Variants in FBRS observed in about 807,000 individuals in gnomAD.
FBRS encodes the protein fibrosin.
Under a neutral mutation model 86.1 loss-of-function variants are expected in FBRS, and 15 were observed. That is an observed-to-expected ratio of 0.17 (90% CI 0.12 to 0.27). FBRS has a LOEUF of 0.27. Ranked by LOEUF, FBRS falls within the 10% of genes least tolerant of loss-of-function variation. The probability of loss-of-function intolerance (pLI) is 1.00; values close to 1 mark genes in which losing one functional copy is unlikely to be tolerated. For synonymous variants in FBRS, 666 were observed against 575.8 expected, an observed-to-expected ratio of 1.16 and a Z score of -2.24; for missense variants, 1,367 against 1,301.6, an observed-to-expected ratio of 1.05 and a Z score of -0.77.
rs1180888138 is a variant in FBRS, at chr16:30,668,624, C to T, written c.2139C>T (p.Gly713=). The T allele has an allele frequency of 6.2e-7, 1 of 1,610,448 alleles. No homozygotes were observed. Among genetic ancestry groups the T allele is most frequent in the East Asian group, 2.2e-5 (1 of 44,750 alleles). ...CCCTCTCCAACGGGGCCTTTGGAGG[C>T]CTGGGCAGCCCCACATTCAGTGAGT... ...LAALSNGAFG[G]LGSPTFNSGA... is the part of the protein sequence containing the mutation. The change falls in exon 16 of 18, where the codon GGC becomes GGT. Residue 713 remains glycine (G), a synonymous_variant. Transcript: ENST00000356166.
rs751480613 is a variant in FBRS at position 30,667,001 on chromosome 16, C to T, written c.1875+11C>T. 97 of 1,601,768 alleles carry T rather than the reference C, an allele frequency of 6.1e-5. No individual in the cohort carries two copies. The Admixed American group carries it at 1.5e-3, about 25-fold the overall frequency. On this transcript the variant is annotated intron_variant, in intron 13 of 17. Transcript: ENST00000356166. ...CAGGAGAAAATGAAGGTACTGGGGC[C>T]GGAGGGCTGGGGAGAGTGGGTCTCA... is the stretch of plus-strand genomic sequence containing the variant.
intron 1 of FBRS, 31 bp downstream of exon 1, chr16:30,660,008 G>T: frequency 6.5e-7 from 1 of 1,542,262 alleles, no homozygotes; most frequent in Non-Finnish European, 8.7e-7. Context: ...GAGACTTTGG[G>T]GGTTTCCGAG....
chr16:30,667,877 C>G lies in FBRS; in HGVS notation c.2074+255C>G, dbSNP rs531456749. 5.1e-5 allele frequency: 21 copies of G among 415,000 alleles called. No individual in the cohort carries two copies. The East Asian group carries it at 7.6e-4, about 15-fold the overall frequency. The allele number at this position is 415,000 out of a possible 1,614,324, so 25.7% of individuals were successfully genotyped here. A position where few individuals can be genotyped will look rare whatever the true frequency, so the allele number is the denominator to read the frequency against. ...GCCAGTGGCAGGGGCAGTACGCCAC[C>G]TGGAAGGGGAAGGTGGGGAGGCCAT... is the stretch of plus-strand genomic sequence containing the variant. On this transcript the variant is annotated intron_variant, in intron 15 of 17. Coordinates refer to ENST00000356166, the MANE Select transcript of FBRS (RefSeq NM_001105079.3).
chr16:30,659,141 T>C lies in FBRS; in HGVS notation c.-378T>C, dbSNP rs1452810661. 6.6e-6 allele frequency: 1 copy of C among 152,422 alleles called. No homozygotes were observed. The highest frequency in any genetic ancestry group is 1.5e-5 in the Non-Finnish European group (1 of 68,246). 9.4% of individuals were successfully genotyped at this position (152,422 alleles called of 1,614,324 possible). On this transcript the variant is annotated 5_prime_UTR_variant, in exon 1 of 18. Coordinates refer to ENST00000356166, the MANE Select transcript of FBRS (RefSeq NM_001105079.3). ...CTTTTAAAGGGGTGGCCCTTCCTCT[T>C]CCTCGGGGAGACTTGCATCGACCCC...
chr16:30,662,134 A>T (rs920872249), intron 4 of FBRS: 5 of 403,268 alleles, frequency 1.2e-5, no homozygotes, highest in Non-Finnish European at 1.8e-5. Context: ...GCCAGCAGCT[A>T]GTGACCTCTG....
chr16:30,660,161 C>A, intron 1 of FBRS, 102 bp from the exon 2 acceptor site: 1 of 1,409,864 alleles, frequency 7.1e-7, no homozygotes, highest in Non-Finnish European at 9.3e-7. Context: ...TCTGGGGACC[C>A]GGTTTCCCGG....
rs901080920 is a variant in FBRS, at chr16:30,664,162, G to A, written c.1056-53G>A. ...TCACCCAGGCTTCTGACCCCCTCCC[G>A]TCAGAGCTGGCACCTCCCAACCCCT... On this transcript the variant is annotated intron_variant, in intron 6 of 17. Transcript: ENST00000356166. 72 of 1,265,024 alleles carry A rather than the reference G, an allele frequency of 5.7e-5. No homozygotes were observed. In the African/African-American group the frequency reaches 1.0e-3, roughly 18 times the overall value. 78.4% of individuals were successfully genotyped at this position (1,265,024 alleles called of 1,614,324 possible). A position where few individuals can be genotyped will look rare whatever the true frequency, so the allele number is the denominator to read the frequency against.
chr16:30,661,312 G>A lies in FBRS; in HGVS notation c.684G>A (p.Ala228=), dbSNP rs553883848. 232 of 1,550,792 alleles carry A rather than the reference G, an allele frequency of 1.5e-4. No individual in the cohort carries two copies. In the East Asian group the frequency reaches 4.1e-3, roughly 27 times the overall value. ...TCTTTCCTTCTCCCCAGTGTGACGCGGAAAGTGATCTGGACGAGAGGGTGA... is the reference window on the plus strand; with the variant it reads ...TCTTTCCTTCTCCCCAGTGTGACGCAGAAAGTGATCTGGACGAGAGGGTGA... ...HSLEAGYICD[A]ESDLDERVSD... The change falls in exon 4 of 18, where the codon GCG becomes GCA. Residue 228 remains alanine (A), a synonymous_variant. Transcript: ENST00000356166.
Position 30,669,212 on chromosome 16 carries a change from C to T in FBRS, c.2510C>T (p.Ala837Val). The T allele has an allele frequency of 1.3e-6, 2 of 1,544,502 alleles. No individual in the cohort carries two copies. The highest frequency in any genetic ancestry group is 1.7e-6 in the Non-Finnish European group (2 of 1,143,614). ...GAGGAGGCTGCCGCCGCCGCTGCCG[C>T]TGCTGCTGCCGCCGCCGCTGCCGCC... ...RKEEAAAAAA[A>V]AAAAAAAAAA... The change falls in exon 18 of 18, where the codon GCT becomes GTT. Residue 837 changes from alanine (A) to valine (V), a missense_variant. By Grantham distance (64) the Ala-to-Val change is moderately conservative (BLOSUM62 0). Around this residue, in one of 3 missense-constraint regions of FBRS, gnomAD observed 659 missense variants for 678.8 expected, o/e 0.97. Coordinates refer to ENST00000356166, the MANE Select transcript of FBRS (RefSeq NM_001105079.3). The surrounding 1 kb of genome is among the most constrained non-coding windows in gnomAD (Gnocchi z 5.9).
chr16:30,660,378 G>A lies in FBRS; in HGVS notation c.575G>A (p.Arg192Gln), dbSNP rs911146894. ...GGGGAGCCAGGGGACAGCTCTGATC[G>A]AGAGCCTGGCCGGCCCCCTGGGGAT... The part of the protein sequence containing the change: ...ATGEPGDSSD[R>Q]EPGRPPGDRA... Residue 192 changes from arginine (R) to glutamine (Q), a missense_variant, in exon 2 of 18, where the codon CGA (arginine) becomes CAA (glutamine). Arg to Gln is a conservative substitution (Grantham distance 43). Transcript: ENST00000356166. The A allele has an allele frequency of 4.7e-6, 6 of 1,266,456 alleles. No individual in the cohort carries two copies. The African/African-American group carries it at 6.2e-5, about 13-fold the overall frequency. 78.5% of individuals were successfully genotyped at this position (1,266,456 alleles called of 1,614,324 possible). A position where few individuals can be genotyped will look rare whatever the true frequency, so the allele number is the denominator to read the frequency against.
In FBRS at chr16:30,658,724, A is replaced by G. The variant is rs2052415213; in HGVS notation, c.-795A>G. 6.6e-6 allele frequency: 1 copy of G among 152,170 alleles called. No homozygotes were observed. Among genetic ancestry groups the G allele is most frequent in the Non-Finnish European group, 1.5e-5 (1 of 68,050 alleles). 9.4% of individuals were successfully genotyped at this position (152,170 alleles called of 1,614,324 possible). ...GCCCCGCCTCGCGCCTTTCATGGCG[A>G]CCGGAGGCGGAGGCTGGAGGAGCTG... On this transcript the variant is annotated 5_prime_UTR_variant, in exon 1 of 18. Transcript: ENST00000356166.
In FBRS at chr16:30,668,987, T is replaced by TTGCC; in HGVS notation, c.2366+8_2366+9insTGCC. 17 of 1,480,700 alleles carry TTGCC rather than the reference T, an allele frequency of 1.1e-5. No homozygotes were observed. Among genetic ancestry groups the TTGCC allele is most frequent in the African/African-American group, 4.3e-5 (3 of 69,708 alleles). The allele number at this position is 1,480,700 out of a possible 1,614,324, so 91.7% of individuals were successfully genotyped here. A position where few individuals can be genotyped will look rare whatever the true frequency, so the allele number is the denominator to read the frequency against. On this transcript the variant is annotated intron_variant, in intron 17 of 17. Transcript: ENST00000356166. ...CAAGGAGGAGAAGGACAGGTGTGCC[T>TTGCC]CCCACCCACCCTGCCCCTGCCCCAC...
At position 30,665,045 on chromosome 16, in the gene FBRS, A is replaced by G; in HGVS notation, c.1574A>G (p.Tyr525Cys). 1.2e-6 allele frequency: 2 copies of G among 1,613,706 alleles called. No homozygotes were observed. Among genetic ancestry groups the G allele is most frequent in the Non-Finnish European group, 1.7e-6 (2 of 1,179,794 alleles). ...PPHGPHMFEK[Y>C]PGKMEGLFRH... ...CCTTCTCTTCCCTAGTTTGAGAAAT[A>G]TCCAGGAAAGATGGAAGGCCTTTTC... The change falls in exon 9 of 18, where the codon TAT becomes TGT. Residue 525 changes from tyrosine to cysteine, a missense_variant. Physicochemically the swap from Tyr to Cys is radical, Grantham distance 194 (BLOSUM62 -2). Transcript: ENST00000356166. The surrounding 1 kb of genome is among the most constrained non-coding windows in gnomAD (Gnocchi z 4.1).
At position 30,662,620 on chromosome 16, in the gene FBRS, A is replaced by G; in HGVS notation, c.816A>G (p.Lys272=). The G allele has an allele frequency of 6.5e-7, 1 of 1,544,646 alleles. No individual in the cohort carries two copies. The highest frequency in any genetic ancestry group is 8.7e-7 in the Non-Finnish European group (1 of 1,142,986). ...AAGCAAAACTCTCCGTGGTCCCTAA[A>G]GTGTCGGGCCTGGAGCGGAGCCAAG... ...NCEAKLSVVP[K]VSGLERSQEQ... The change falls in exon 6 of 18, where the codon AAA becomes AAG. Residue 272 remains lysine (K), a synonymous_variant. Transcript: ENST00000356166.
intron 8 of FBRS, 30 bp downstream of exon 8, chr16:30,664,950 C>T (rs1362276713): frequency 6.2e-7 from 1 of 1,608,842 alleles, no homozygotes; most frequent in Non-Finnish European, 8.5e-7. Flanking sequence ...GGCGATGAGG[C>T]TCGGAGGCCT....
In FBRS at chr16:30,662,294, C is replaced by T. The variant is rs958922951; in HGVS notation, c.706-126C>T. On this transcript the variant is annotated intron_variant, in intron 4 of 17. Coordinates refer to ENST00000356166, the MANE Select transcript of FBRS (RefSeq NM_001105079.3). ...GAGCCCAGTCTTTGATGGATCTCAG[C>T]TAAACTGAAGGAACAGACTTGCCAC... The T allele has an allele frequency of 3.5e-6, 5 of 1,424,466 alleles. No individual in the cohort carries two copies. The African/African-American group carries it at 7.1e-5, about 20-fold the overall frequency. 88.2% of individuals were successfully genotyped at this position (1,424,466 alleles called of 1,614,324 possible).
In FBRS at chr16:30,668,987, T is replaced by TTGCCC; in HGVS notation, c.2366+8_2366+9insTGCCC. On this transcript the variant is annotated intron_variant, in intron 17 of 17. Transcript: ENST00000356166. ...CAAGGAGGAGAAGGACAGGTGTGCC[T>TTGCCC]CCCACCCACCCTGCCCCTGCCCCAC... The TTGCCC allele has an allele frequency of 9.5e-6, 14 of 1,480,804 alleles. No individual in the cohort carries two copies. The highest frequency in any genetic ancestry group is 2.4e-5 in the South Asian group (2 of 82,712). 91.7% of individuals were successfully genotyped at this position (1,480,804 alleles called of 1,614,324 possible). A position where few individuals can be genotyped will look rare whatever the true frequency, so the allele number is the denominator to read the frequency against.
At chr16:30,660,572 T>G (rs1167214912) in intron 2 of FBRS, 130 bp downstream of exon 2, 6 of 1,252,280 alleles carry the variant, frequency 4.8e-6, no homozygotes, top group Non-Finnish European at 6.1e-6. Context: ...CAGGGCAAAT[T>G]TGAGCCCTTA....
At position 30,664,434 on chromosome 16, in the gene FBRS, C is replaced by T. The variant is rs775674975; in HGVS notation, c.1275C>T (p.Ser425=). ...CACCCCACCACCCCTCCTTGTTCTC[C>T]CCTGGCCCCACCCTGCCCCCACCCC... The part of the protein sequence containing the change: ...PPPPHHPSLF[S]PGPTLPPPPP... The change falls in exon 7 of 18, where the codon TCC becomes TCT. Residue 425 remains serine (S), a synonymous_variant. Transcript: ENST00000356166. 23 of 1,129,242 alleles carry T rather than the reference C, an allele frequency of 2.0e-5. No individual in the cohort carries two copies. The highest frequency in any genetic ancestry group is 3.3e-4 in the Middle Eastern group (1 of 3,024). 70.0% of individuals were successfully genotyped at this position (1,129,242 alleles called of 1,614,324 possible).
Sources: gnomAD v4.1 joint callset for allele counts on GRCh38, gnomAD v4.1.1 for gene constraint, gnomAD v4.1.1 regional missense constraint, Gnocchi (gnomAD v3.1) non-coding constraint, MANE v1.5 for transcripts, NCBI Gene and HGNC (gene_info 2026-07-23, HGNC 2026-07-21) for gene names.